NARS2: variants seen among roughly 807,000 people sequenced by gnomAD.
The protein encoded by NARS2 is asparaginyl-tRNA synthetase 2, mitochondrial.
NARS2 carries 60 observed loss-of-function variants against 62.9 expected under a neutral mutation model. The observed-to-expected ratio is 0.95, with a 90% confidence interval of 0.77 to 1.18. NARS2 has a LOEUF of 1.18. Ranked by LOEUF, NARS2 falls within the 50% of genes most tolerant of loss-of-function variation. The pLI is 0.00. For synonymous variants in NARS2, 196 were observed against 200.0 expected (o/e 0.98, Z 0.17); for missense variants, 619 against 576.4 (o/e 1.07, Z -0.76).
chr11:78,452,696 A>G (rs573469755), intron 11 of NARS2, among the ~76,000 whole-genome samples: 2 of 152,256 alleles, frequency 1.3e-5, no homozygotes, highest in East Asian at 1.9e-4. Context: ...GGCATGAGTC[A>G]CCATGCCCAG....
intron 11 of NARS2, among the ~76,000 whole-genome samples, chr11:78,457,765 A>C (rs1443224302): frequency 6.6e-6 from 1 of 151,594 alleles, no homozygotes; most frequent in Non-Finnish European, 1.5e-5. Context: ...TGAGAGAACT[A>C]CCTTTTAAGG....
intron 5 of NARS2, among the ~76,000 whole-genome samples, chr11:78,539,438 A>T (rs1341878840): frequency 6.6e-6 from 1 of 152,174 alleles, no homozygotes; most frequent in Non-Finnish European, 1.5e-5. Context: ...ACTGAGATAA[A>T]AAAAGAAGAG....
At chr11:78,463,713 CAAAAAAAAA>C (rs10649252) in intron 11 of NARS2, among the ~76,000 whole-genome samples, 1 of 47,984 alleles carries the variant, frequency 2.1e-5, no homozygotes, top group African/African-American at 8.0e-5. Flanking sequence ...TAGTTAAGGT[CAAAAAAAAA>C]AAAAAAAAAA....
chr11:78,445,554 G>A (rs1335269235), intron 11 of NARS2, among the ~76,000 whole-genome samples: 2 of 152,146 alleles, frequency 1.3e-5, no homozygotes, highest in Admixed American at 6.5e-5. Context: ...CTTATGAGGC[G>A]GAGGTTGCAG....
intron 7 of NARS2, among the ~76,000 whole-genome samples, chr11:78,490,234 C>T (rs1337239090): frequency 6.6e-6 from 1 of 152,182 alleles, no homozygotes; most frequent in Non-Finnish European, 1.5e-5. Flanking sequence ...TACCTCCTTG[C>T]CCAGGCCCAC....
intron 11 of NARS2, among the ~76,000 whole-genome samples, chr11:78,464,337 C>T (rs989432195): frequency 1.0e-4 from 15 of 149,952 alleles, no homozygotes; most frequent in Non-Finnish European, 4.5e-5. Flanking sequence ...ACAAAACTTC[C>T]ACAGTGTGGA....
chr11:78,533,212 C>A (rs536220276), intron 5 of NARS2: 1 of 152,296 alleles, frequency 6.6e-6, no homozygotes, highest in Admixed American at 6.5e-5. Flanking sequence ...AGACTACTCT[C>A]AAGGTTGAAT....
chr11:78,574,061 T>C (rs1857023721), intron 1 of NARS2, among the ~76,000 whole-genome samples: 2 of 152,266 alleles, frequency 1.3e-5, no homozygotes, highest in Middle Eastern at 3.4e-3. Context: ...TTATAAGGGA[T>C]AAAGATAGAG....
At chr11:78,559,074 G>A (rs558874832) in intron 5 of NARS2, among the ~76,000 whole-genome samples, 74 of 152,100 alleles carry the variant, frequency 4.9e-4, no homozygotes, top group African/African-American at 1.7e-3. Flanking sequence ...GTAGGCCAAG[G>A]CAGGTGGATT....
At chr11:78,552,199 T>A (rs983476628) in intron 5 of NARS2, among the ~76,000 whole-genome samples, 1 of 152,230 alleles carries the variant, frequency 6.6e-6, no homozygotes, top group African/African-American at 2.4e-5. Flanking sequence ...TTTGTGTTCA[T>A]AAGTTCTTAT....
intron 6 of NARS2, among the ~76,000 whole-genome samples, chr11:78,515,778 C>T (rs1860887410): frequency 6.6e-6 from 1 of 152,160 alleles, no homozygotes; most frequent in Non-Finnish European, 1.5e-5. Flanking sequence ...CTTGCCTCGG[C>T]CTCCCAAAGC....
At chr11:78,488,246 A>C (rs966902753) in intron 7 of NARS2, among the ~76,000 whole-genome samples, 2 of 152,002 alleles carry the variant, frequency 1.3e-5, no homozygotes, top group Admixed American at 1.3e-4. Flanking sequence ...AAAAAAAAAA[A>C]AAAAAAACTG....
chr11:78,527,865 T>C (rs760757223), intron 6 of NARS2, among the ~76,000 whole-genome samples: 5 of 152,158 alleles, frequency 3.3e-5, no homozygotes, highest in African/African-American at 4.8e-5. Flanking sequence ...ATCCCAGTGC[T>C]TTGGGAGGCT....
rs372505521 is a variant in NARS2 at position 78,547,060 on chromosome 11, G to C, written c.594+12479C>G. Among the ~76,000 whole-genome samples, 4 of 152,196 alleles carry C rather than the reference G, an allele frequency of 2.6e-5. No individual in the cohort carries two copies. The East Asian group carries it at 5.8e-4, about 22-fold the overall frequency. On this transcript the variant is annotated intron_variant, in intron 5 of 13. Coordinates refer to ENST00000281038, the MANE Select transcript of NARS2 (RefSeq NM_024678.6). ...ACTATACATTTCGTGGCTGGGTATG[G>C]TGGCTCATGACTGTCATCTCAGCAC...
chr11:78,549,760 A>C (rs1251034210), intron 5 of NARS2, among the ~76,000 whole-genome samples: 1 of 152,168 alleles, frequency 6.6e-6, no homozygotes, highest in Non-Finnish European at 1.5e-5. Context: ...ACAGCCAAAG[A>C]AAGCTCTACC....
chr11:78,465,316 G>A (rs920035305), intron 11 of NARS2, among the ~76,000 whole-genome samples: 19 of 152,244 alleles, frequency 1.2e-4, no homozygotes, highest in African/African-American at 2.4e-4. Context: ...TGAGGGAGCC[G>A]GCTCCGGCCT....
At chr11:78,523,065 T>C (rs1242948877) in intron 6 of NARS2, among the ~76,000 whole-genome samples, 2 of 152,240 alleles carry the variant, frequency 1.3e-5, no homozygotes, top group South Asian at 2.1e-4. Context: ...GCAGAATATA[T>C]AAAGAACTCT....
intron 5 of NARS2, among the ~76,000 whole-genome samples, chr11:78,554,201 C>CCTTGGCTATCTGGGCT (rs1856241660): frequency 6.6e-6 from 1 of 152,052 alleles, no homozygotes; most frequent in Non-Finnish European, 1.5e-5. Context: ...CTTAGGATTG[C>CCTTGGCTATCTGGGCT]CTTGGCTATC....
chr11:78,462,628 C>T (rs578038797), intron 11 of NARS2, among the ~76,000 whole-genome samples: 9 of 152,288 alleles, frequency 5.9e-5, no homozygotes, highest in African/African-American at 2.2e-4. Context: ...TTACTATCTA[C>T]GTAGCTTTGG....
Sources: allele counts gnomAD v4.1 joint callset (sites outside exome capture counted in the v4.1 genomes callset), GRCh38; gene constraint gnomAD v4.1.1; transcripts MANE v1.5; gene names NCBI Gene and HGNC (gene_info 2026-07-23, HGNC 2026-07-21).